The following CNOT4 variants were observed in gnomAD, a reference collection of about 807,000 sequenced individuals.
CNOT4 encodes CCR4-associated factor 4.
Under a neutral mutation model 73.8 loss-of-function variants are expected in CNOT4, and 8 were observed. That is an observed-to-expected ratio of 0.11 (90% CI 0.06 to 0.20). The LOEUF (loss-of-function observed/expected upper bound fraction) is 0.20, where lower values mean the gene tolerates loss of function less well. Among genes scored for constraint, CNOT4 ranks in the 10% least tolerant of loss-of-function variants. CNOT4 has a pLI of 1.00. For missense variants in CNOT4, 564 were observed against 883.4 expected, an observed-to-expected ratio of 0.64 and a Z score of 4.58; for synonymous variants, 293 against 321.1, an observed-to-expected ratio of 0.91 and a Z score of 0.94.
intron 1 of CNOT4, chr7:135,444,907 C>T (rs1799725166): frequency 1.9e-6 from 3 of 1,602,438 alleles, no homozygotes; most frequent in African/African-American, 1.3e-5. Context: ...ATCTGCAAAG[C>T]TGTTGCCATG....
intron 10 of CNOT4, chr7:135,388,145 C>T: frequency 1.0e-6 from 1 of 985,102 alleles, no homozygotes; most frequent in Admixed American, 6.1e-5. Flanking sequence ...ATTTAGGCTA[C>T]AATAATTATC....
intron 2 of CNOT4, among the ~76,000 whole-genome samples, chr7:135,429,178 CT>C (rs1196647419): frequency 6.6e-6 from 1 of 152,156 alleles, no homozygotes; most frequent in East Asian, 1.9e-4. Flanking sequence ...AGATTCATGA[CT>C]TTGTGGAACT....
chr7:135,498,165 C>T (rs1803717128), intron 1 of CNOT4, among the ~76,000 whole-genome samples: 1 of 152,150 alleles, frequency 6.6e-6, no homozygotes, highest in Non-Finnish European at 1.5e-5. Context: ...TGGTTCCATA[C>T]TACCCAGCAT....
intron 10 of CNOT4, among the ~76,000 whole-genome samples, chr7:135,375,567 T>C (rs992013553): frequency 4.6e-5 from 7 of 152,186 alleles, no homozygotes; most frequent in African/African-American, 1.7e-4. Context: ...TATTTATATA[T>C]AGATTTATGG....
intron 1 of CNOT4, among the ~76,000 whole-genome samples, chr7:135,495,375 C>T (rs943365868): frequency 6.6e-6 from 1 of 151,770 alleles, no homozygotes; most frequent in Non-Finnish European, 1.5e-5. Context: ...TATGGTGGCA[C>T]ATACCTGTAG....
At chr7:135,391,081 C>T (rs28668229) in intron 10 of CNOT4, among the ~76,000 whole-genome samples, 5,294 of 152,128 alleles carry the variant, frequency 0.035, 310 homozygotes, top group African/African-American at 0.12. Flanking sequence ...TGAGTTACAA[C>T]AGGTGCAAGT....
rs1222979483 is a variant in CNOT4, at chr7:135,364,534, TAGAAAA to T, written c.1628-474_1628-469del. On this transcript the variant is annotated intron_variant, in intron 10 of 11. Coordinates refer to ENST00000541284, the MANE Select transcript of CNOT4 (RefSeq NM_001190850.2). The surrounding 1 kb of genome is among the most constrained non-coding windows in gnomAD (Gnocchi z 4.3). ...TTTTATGAAGAATAAACATAAGCAA[TAGAAAA>T]AGAAAAATAATTAAGTCCTTCTTCA... Among the ~76,000 whole-genome samples the T allele has an allele frequency of 1.3e-5, 2 of 152,138 alleles. No individual in the cohort carries two copies. Among genetic ancestry groups the T allele is most frequent in the African/African-American group, 4.8e-5 (2 of 41,428 alleles).
At chr7:135,432,197 T>C (rs1161956836) in intron 2 of CNOT4, among the ~76,000 whole-genome samples, 2 of 152,192 alleles carry the variant, frequency 1.3e-5, no homozygotes, top group African/African-American at 4.8e-5. Flanking sequence ...GATTTATACA[T>C]TTATGGGCAA....
intron 7 of CNOT4, among the ~76,000 whole-genome samples, chr7:135,400,403 CA>C (rs1281323547): frequency 2.6e-5 from 4 of 151,920 alleles, no homozygotes; most frequent in African/African-American, 9.7e-5. Context: ...ATAAGGGCTT[CA>C]AGCTGAGAGA....
chr7:135,398,545 T>C (rs1310887110), intron 7 of CNOT4, among the ~76,000 whole-genome samples: 6 of 152,056 alleles, frequency 3.9e-5, no homozygotes, highest in Middle Eastern at 3.4e-3. Context: ...CCAATAAGTA[T>C]AATGCAAGTA....
chr7:135,384,545 A>T lies in CNOT4; in HGVS notation c.1627+9373T>A, dbSNP rs912629704. 4 of 651,892 alleles carry T rather than the reference A, an allele frequency of 6.1e-6. No homozygotes were observed. The Admixed American group carries it at 6.8e-5, about 11-fold the overall frequency. The allele number at this position is 651,892 out of a possible 1,614,324, so 40.4% of individuals were successfully genotyped here. On this transcript the variant is annotated intron_variant, in intron 10 of 11. Coordinates refer to ENST00000541284, the MANE Select transcript of CNOT4 (RefSeq NM_001190850.2). ...TGTGATCTGCCTGCCTTGGCCTCCC[A>T]AAGTGTTGGGATTACAGGCGTGAGC...
chr7:135,373,739 G>A (rs1252956043), intron 10 of CNOT4, among the ~76,000 whole-genome samples: 2 of 142,682 alleles, frequency 1.4e-5, no homozygotes, highest in Non-Finnish European at 3.1e-5. Context: ...ACCAAGCCCA[G>A]CTAATTTTTT....
At chr7:135,479,470 A>C (rs1334695511) in intron 1 of CNOT4, among the ~76,000 whole-genome samples, 2 of 151,804 alleles carry the variant, frequency 1.3e-5, no homozygotes, top group Non-Finnish European at 2.9e-5. Context: ...CGGCCTCCCA[A>C]AGTGCTGGGA....
chr7:135,461,082 C>G (rs577820330), intron 1 of CNOT4, among the ~76,000 whole-genome samples: 2 of 152,276 alleles, frequency 1.3e-5, no homozygotes, highest in African/African-American at 4.8e-5. Context: ...TTGCCAACAC[C>G]TGGTTTAGAT....
At chr7:135,495,702 GAAA>G (rs1803499268) in intron 1 of CNOT4, among the ~76,000 whole-genome samples, 1 of 23,758 alleles carries the variant, frequency 4.2e-5, no homozygotes, top group African/African-American at 1.2e-4. Flanking sequence ...AAGAAAGAAA[GAAA>G]GAAAGAAAGA....
chr7:135,384,474 A>T, intron 10 of CNOT4: 1 of 508,862 alleles, frequency 2.0e-6, no homozygotes, highest in Non-Finnish European at 3.5e-6. Flanking sequence ...TTTAGTAGAG[A>T]CGGGGTTTCA....
chr7:135,475,948 G>A (rs1337195639), intron 1 of CNOT4, among the ~76,000 whole-genome samples: 1 of 151,998 alleles, frequency 6.6e-6, no homozygotes, highest in Non-Finnish European at 1.5e-5. Context: ...AGGGAAAAAA[G>A]TCTAAAAAAG....
At chr7:135,459,762 A>G (rs546708846) in intron 1 of CNOT4, among the ~76,000 whole-genome samples, 34 of 152,294 alleles carry the variant, frequency 2.2e-4, no homozygotes, top group African/African-American at 7.2e-4. Context: ...TTAACCCCTA[A>G]TAAGAGTCAG....
At chr7:135,394,436 G>A (rs750039266) in intron 9 of CNOT4, 21 bp from the exon 10 acceptor site, 4 of 1,563,188 alleles carry the variant, frequency 2.6e-6, no homozygotes, top group Middle Eastern at 1.7e-4. Context: ...GAAAAATAGT[G>A]ATGAATATCA....
Sources: allele counts gnomAD v4.1 joint callset (sites outside exome capture counted in the v4.1 genomes callset), GRCh38; gene constraint gnomAD v4.1.1; non-coding constraint Gnocchi (gnomAD v3.1); transcripts MANE v1.5; gene names NCBI Gene and HGNC (gene_info 2026-07-23, HGNC 2026-07-21).